Variants in VASP observed in about 807,000 individuals in gnomAD.
The protein encoded by VASP is vasodilator stimulated phosphoprotein.
In VASP, 27 loss-of-function variants were observed where a neutral mutation model predicts 54.4. That is an observed-to-expected ratio of 0.50 (90% confidence interval 0.37 to 0.68). The LOEUF (loss-of-function observed/expected upper bound fraction) is 0.68. Among genes scored for constraint, VASP ranks in the 30% least tolerant of loss-of-function variants. The probability of loss-of-function intolerance (pLI) is 0.00; values close to 1 mark genes in which losing one functional copy is unlikely to be tolerated. For missense variants in VASP, 488 were observed against 528.3 expected, an observed-to-expected ratio of 0.92 and a Z score of 0.75; for synonymous variants, 233 against 209.8, an observed-to-expected ratio of 1.11 and a Z score of -0.96.
intron 3 of VASP, among the ~76,000 whole-genome samples, chr19:45,518,852 G>C (rs1412184841): frequency 1.3e-5 from 2 of 151,940 alleles, no homozygotes; most frequent in Non-Finnish European, 2.9e-5. Context: ...TGTTTTTTGA[G>C]ACAGAGTCTT....
chr19:45,512,281 A>G (rs1375131215), intron 1 of VASP, among the ~76,000 whole-genome samples: 1 of 146,808 alleles, frequency 6.8e-6, no homozygotes, highest in African/African-American at 2.5e-5. Flanking sequence ...ATATATTTAT[A>G]TATGCTCCTC....
Position 45,521,306 on chromosome 19 carries a change from C to T in VASP, c.344-16C>T, listed in dbSNP as rs758615773. The stretch of plus-strand genomic sequence containing the variant: ...TTCTGGGACTGATCCATGGCCCTTT[C>T]TCTCTCACCTTTCAGGAGGTGGGCC... On this transcript the variant is annotated splice_polypyrimidine_tract_variant and intron_variant, in intron 3 of 12. Coordinates refer to ENST00000245932, the MANE Select transcript of VASP (RefSeq NM_003370.4). The T allele has an allele frequency of 6.4e-7, 1 of 1,563,832 alleles. No homozygotes were observed. Among genetic ancestry groups the T allele is most frequent in the South Asian group, 1.2e-5 (1 of 85,032 alleles).
chr19:45,526,420 C>T lies in VASP; in HGVS notation c.*243C>T, dbSNP rs755182225. On this transcript the variant is annotated 3_prime_UTR_variant, in exon 13 of 13. Transcript: ENST00000245932. ...TTTGGTCCTTCCCCTCTGCCATCCC[C>T]TTGGGGCCGGTCCCTCTGCTGGGGA... 1.0e-4 allele frequency: 50 copies of T among 477,258 alleles called. No homozygotes were observed. Among genetic ancestry groups the T allele is most frequent in the Non-Finnish European group, 1.6e-4 (45 of 272,802 alleles). The allele number at this position is 477,258 out of a possible 1,614,324, so 29.6% of individuals were successfully genotyped here. A position where few individuals can be genotyped will look rare whatever the true frequency, so the allele number is the denominator to read the frequency against.
intron 1 of VASP, among the ~76,000 whole-genome samples, chr19:45,509,765 A>T (rs1184462915): frequency 1.3e-5 from 2 of 152,056 alleles, no homozygotes; most frequent in Non-Finnish European, 2.9e-5. Context: ...AGAATTCAAA[A>T]CCCATGCCCC....
intron 3 of VASP, among the ~76,000 whole-genome samples, chr19:45,521,084 TCTC>T (rs1968820757): frequency 6.6e-6 from 1 of 152,184 alleles, no homozygotes; most frequent in South Asian, 2.1e-4. Context: ...GGCCTTAGCT[TCTC>T]CTGTCACTGG....
intron 3 of VASP, 85 bp from the exon 4 acceptor site, chr19:45,521,237 G>A: frequency 1.5e-6 from 2 of 1,343,082 alleles, no homozygotes; most frequent in South Asian, 1.3e-5. Flanking sequence ...CAGGATTCCT[G>A]GGAGGCCTGG....
At chr19:45,524,944 G>A (rs1236781776) in intron 11 of VASP, 2 of 340,714 alleles carry the variant, frequency 5.9e-6, no homozygotes, top group African/African-American at 2.1e-5. Flanking sequence ...TTGGCAGGAG[G>A]CTGGAATGCG....
chr19:45,524,843 C>G (rs1968924693), intron 11 of VASP, 183 bp downstream of exon 11: 2 of 579,934 alleles, frequency 3.4e-6, no homozygotes, highest in Non-Finnish European at 6.2e-6. Flanking sequence ...GCACCTGTGA[C>G]AGACATTATT....
chr19:45,510,664 G>A (rs1300181581), intron 1 of VASP, among the ~76,000 whole-genome samples: 2 of 152,116 alleles, frequency 1.3e-5, no homozygotes, highest in Admixed American at 6.6e-5. Context: ...CAGGCGCCGG[G>A]GCTCATGCCT....
chr19:45,521,381 C>T lies in VASP; in HGVS notation c.403C>T (p.Pro135Ser). 1.3e-6 allele frequency: 2 copies of T among 1,576,284 alleles called. No homozygotes were observed. The highest frequency in any genetic ancestry group is 1.7e-6 in the Non-Finnish European group (2 of 1,161,054). The change falls in exon 4 of 13, where the codon CCG becomes TCG. Residue 135 changes from proline to serine, a missense_variant. Around this residue, in one of 4 missense-constraint regions of VASP, gnomAD observed 226 missense variants for 196.0 expected, o/e 1.15. Coordinates refer to ENST00000245932, the MANE Select transcript of VASP (RefSeq NM_003370.4). ...PTWSVPNGPS[P>S]EEVEQQKRQQ... Reference sequence around the variant, plus strand: ...CTGGTCGGTCCCGAACGGCCCCTCCCCGGAGGAGGTGGAGCAGCAGAAAAG... The same window carrying T: ...CTGGTCGGTCCCGAACGGCCCCTCCTCGGAGGAGGTGGAGCAGCAGAAAAG...
In VASP at chr19:45,507,761, G is replaced by C. The variant is rs1424305285; in HGVS notation, c.-11G>C. 1.3e-6 allele frequency: 2 copies of C among 1,510,016 alleles called. No individual in the cohort carries two copies. The highest frequency in any genetic ancestry group is 1.8e-6 in the Non-Finnish European group (2 of 1,136,384). 93.5% of individuals were successfully genotyped at this position (1,510,016 alleles called of 1,614,324 possible). The stretch of plus-strand genomic sequence containing the variant: ...CAGCCCGTGGGCGAGCCGCCCGCCC[G>C]CCGAGCAGCCATGAGGTGAGCCGGA... On this transcript the variant is annotated 5_prime_UTR_variant, in exon 1 of 13. Coordinates refer to ENST00000245932, the MANE Select transcript of VASP (RefSeq NM_003370.4). The surrounding 1 kb of genome is among the most constrained non-coding windows in gnomAD (Gnocchi z 4.4).
intron 3 of VASP, 54 bp from the exon 4 acceptor site, chr19:45,521,268 G>A: frequency 6.7e-7 from 1 of 1,501,722 alleles, no homozygotes; most frequent in Non-Finnish European, 9.1e-7. Context: ...GAAGCGCCAA[G>A]AGCTGAGCAG....
At chr19:45,523,071 A>C (rs1968877537) in intron 7 of VASP, among the ~76,000 whole-genome samples, 1 of 151,920 alleles carries the variant, frequency 6.6e-6, no homozygotes. Context: ...CTGGGAACTC[A>C]GGTTCCTGCA....
intron 11 of VASP, chr19:45,524,975 A>G (rs1968928001): frequency 3.4e-6 from 1 of 294,156 alleles, no homozygotes; most frequent in African/African-American, 2.2e-5. Flanking sequence ...TTGGTACTGG[A>G]TGTTCTCCAG....
chr19:45,510,225 G>GTTT (rs778302860), intron 1 of VASP, among the ~76,000 whole-genome samples: 8 of 119,640 alleles, frequency 6.7e-5, no homozygotes, highest in Admixed American at 1.9e-4. Context: ...TTTTTTTGTT[G>GTTT]GTTTGTTTGT....
chr19:45,509,490 C>T (rs1968556957), intron 1 of VASP, among the ~76,000 whole-genome samples: 1 of 150,604 alleles, frequency 6.6e-6, no homozygotes, highest in Non-Finnish European at 1.5e-5. Flanking sequence ...AGGGCAGGAG[C>T]GGTGTCTGGG....
In VASP at chr19:45,512,445, G is replaced by A. The variant is rs1335619781; in HGVS notation, c.5+4669G>A. ...TGGAATTACAGGCACGCGCCACCAC[G>A]CCCAGCAAATTTTTCTATTTTTAGT... On this transcript the variant is annotated intron_variant, in intron 1 of 12. Transcript: ENST00000245932. Among the ~76,000 whole-genome samples the A allele has an allele frequency of 4.6e-5, 7 of 151,606 alleles. No individual in the cohort carries two copies. The East Asian group carries it at 1.4e-3, about 30-fold the overall frequency.
chr19:45,526,252 G>C lies in VASP; in HGVS notation c.*75G>C. On this transcript the variant is annotated 3_prime_UTR_variant, in exon 13 of 13. Transcript: ENST00000245932. ...CACCCTGCTTTCCCTGCCTCTACTT[G>C]ACTTGGAATTGGCTGAAGACTACAC... 6.5e-7 allele frequency: 1 copy of C among 1,531,570 alleles called. No individual in the cohort carries two copies. Among genetic ancestry groups the C allele is most frequent in the Non-Finnish European group, 8.8e-7 (1 of 1,140,076 alleles). The allele number at this position is 1,531,570 out of a possible 1,614,324, so 94.9% of individuals were successfully genotyped here. A position where few individuals can be genotyped will look rare whatever the true frequency, so the allele number is the denominator to read the frequency against.
chr19:45,522,099 G>T, intron 4 of VASP, 69 bp from the exon 5 acceptor site: 1 of 1,604,316 alleles, frequency 6.2e-7, no homozygotes, highest in Non-Finnish European at 8.5e-7. Context: ...GAGGACGGAG[G>T]TCGCTGGCCC....
Sources: gnomAD v4.1 joint callset for allele counts (sites outside exome capture counted in the v4.1 genomes callset) on GRCh38, gnomAD v4.1.1 for gene constraint, gnomAD v4.1.1 regional missense constraint, Gnocchi (gnomAD v3.1) non-coding constraint, MANE v1.5 for transcripts, NCBI Gene and HGNC (gene_info 2026-07-23, HGNC 2026-07-21) for gene names.